Variants in PSD2 observed in about 807,000 individuals in gnomAD.
The protein encoded by PSD2 is PH and SEC7 domain-containing protein 2.
PSD2 carries 38 observed loss-of-function variants against 69.8 expected under a neutral mutation model. The ratio of observed to expected loss-of-function variants is 0.54; its 90% CI spans 0.42 to 0.71. The LOEUF (loss-of-function observed/expected upper bound fraction) is 0.71. Ranked by LOEUF, PSD2 falls within the 30% of genes least tolerant of loss-of-function variation. The pLI, the probability that PSD2 is intolerant of heterozygous loss-of-function variation, is 0.00. For missense variants in PSD2, 943 were observed against 1,014.5 expected (o/e 0.93, Z 0.96); for synonymous variants, 412 against 423.0 (o/e 0.97, Z 0.32).
At chr5:139,833,923 A>G (rs1454647836) in intron 8 of PSD2, 132 bp downstream of exon 8, 2 of 716,006 alleles carry the variant, frequency 2.8e-6, no homozygotes, top group Non-Finnish European at 5.1e-6. Context: ...TGACAAAGTT[A>G]GAAACCACTG....
At chr5:139,790,943 C>T (rs1003942918), upstream of PSD2, among the ~76,000 whole-genome samples, 5 of 151,928 alleles carry the variant, frequency 3.3e-5, no homozygotes, top group African/African-American at 9.7e-5. Flanking sequence ...CCCAGCTACT[C>T]GGGAGACCGA....
chr5:139,795,071 C>T (rs1759484675), upstream of PSD2, among the ~76,000 whole-genome samples: 1 of 152,258 alleles, frequency 6.6e-6, no homozygotes, highest in Middle Eastern at 3.4e-3. The surrounding 1 kb of genome is among the most constrained non-coding windows in gnomAD (Gnocchi z 4.5). Flanking sequence ...GAGGCTTCCC[C>T]TTGACCTGGC....
At chr5:139,752,489 C>T in the PSD2 span, among the ~76,000 whole-genome samples, 1 of 152,144 alleles carries the variant, frequency 6.6e-6, no homozygotes, top group Admixed American at 6.5e-5. Context: ...GACAGCCACC[C>T]ATCCAACACA....
the PSD2 span, among the ~76,000 whole-genome samples, chr5:139,784,231 C>G: frequency 6.6e-6 from 1 of 151,954 alleles, no homozygotes; most frequent in African/African-American, 2.4e-5. Flanking sequence ...TGAGCCATTG[C>G]GCTGGCCTCC....
chr5:139,828,203 G>A (rs2126956546), intron 7 of PSD2, among the ~76,000 whole-genome samples: 1 of 152,000 alleles, frequency 6.6e-6, no homozygotes, highest in South Asian at 2.1e-4. Flanking sequence ...AGGTATTTTT[G>A]TTGCACAGCC....
rs1334080100 is a variant in PSD2, at chr5:139,843,907, CACTT to C, written c.*1435_*1438del. 2 of 152,200 alleles carry C rather than the reference CACTT, an allele frequency of 1.3e-5. No homozygotes were observed. The highest frequency in any genetic ancestry group is 6.5e-5 in the Admixed American group (1 of 15,278). 9.4% of individuals were successfully genotyped at this position (152,200 alleles called of 1,614,324 possible). On this transcript the variant is annotated 3_prime_UTR_variant, in exon 15 of 15. Transcript: ENST00000274710. Reference sequence around the variant, plus strand: ...CAGGAATTTGGCGTCAGTGGTAACACACTTAGTTAATAAAATAAGCCAGGCTTGC... The same window carrying C: ...CAGGAATTTGGCGTCAGTGGTAACACAGTTAATAAAATAAGCCAGGCTTGC...
chr5:139,757,721 A>G, the PSD2 span, among the ~76,000 whole-genome samples: 1 of 152,204 alleles, frequency 6.6e-6, no homozygotes, highest in Admixed American at 6.5e-5. Flanking sequence ...TCTGTTCTTA[A>G]CTAAAAGCAG....
At chr5:139,813,783 A>T (rs776052391) in intron 3 of PSD2, 25 bp downstream of exon 3, 1 of 1,568,602 alleles carries the variant, frequency 6.4e-7, no homozygotes, top group African/African-American at 1.3e-5. Context: ...AGGCTGGGAG[A>T]ACCACCGAGC....
chr5:139,778,744 A>G, the PSD2 span, among the ~76,000 whole-genome samples: 9 of 151,928 alleles, frequency 5.9e-5, no homozygotes, highest in Admixed American at 5.3e-4. Flanking sequence ...GCAACTTGAC[A>G]GAAACCCATC....
At position 139,840,187 on chromosome 5, in the gene PSD2, T is replaced by C; in HGVS notation, c.2112+17T>C. 6.2e-7 allele frequency: 1 copy of C among 1,613,242 alleles called. No homozygotes were observed. Among genetic ancestry groups the C allele is most frequent in the Non-Finnish European group, 8.5e-7 (1 of 1,179,732 alleles). On this transcript the variant is annotated intron_variant, in intron 14 of 14. Transcript: ENST00000274710. ...ACCTTCGAGGTGAGCCTTGGGGGAC[T>C]GGATTGCAAAGCCCAGTGCCCTGCT...
chr5:139,809,936 C>A, intron 2 of PSD2, 125 bp downstream of exon 2: 1 of 1,024,932 alleles, frequency 9.8e-7, no homozygotes. Flanking sequence ...GATTTCATAT[C>A]CCTCTTTTGC....
At chr5:139,797,511 C>T (rs1180661353) in intron 1 of PSD2, among the ~76,000 whole-genome samples, 1 of 152,248 alleles carries the variant, frequency 6.6e-6, no homozygotes, top group Admixed American at 6.5e-5. Context: ...TTGTCCTGGT[C>T]TGACAACTAT....
chr5:139,837,222 T>C lies in PSD2; in HGVS notation c.1649T>C (p.Ile550Thr), dbSNP rs1350622470. ...TTCTACGCAGTGCTCAAAGGGACCATCCTGTACCTGCAGAAGGTGAGAGAC... is the reference window on the plus strand; with the variant it reads ...TTCTACGCAGTGCTCAAAGGGACCACCCTGTACCTGCAGAAGGTGAGAGAC... ...KKFYAVLKGT[I>T]LYLQKDEYRP... Residue 550 changes from isoleucine to threonine, a missense_variant, in exon 11 of 15, where the codon ATC becomes ACC. By Grantham distance (89) the Ile-to-Thr change is moderately conservative. Coordinates refer to ENST00000274710, the MANE Select transcript of PSD2 (RefSeq NM_032289.4). The surrounding 1 kb of genome is among the most constrained non-coding windows in gnomAD (Gnocchi z 5.0). The C allele has an allele frequency of 2.5e-6, 4 of 1,613,844 alleles. No individual in the cohort carries two copies. The highest frequency in any genetic ancestry group is 1.1e-5 in the South Asian group (1 of 91,068).
upstream of PSD2, among the ~76,000 whole-genome samples, chr5:139,794,074 C>T (rs185923234): frequency 6.6e-6 from 1 of 152,310 alleles, no homozygotes; most frequent in Admixed American, 6.5e-5. Context: ...AGCCAAGCTC[C>T]CTCTGTGCCC....
the PSD2 span, among the ~76,000 whole-genome samples, chr5:139,778,025 G>T: frequency 6.6e-6 from 1 of 152,242 alleles, no homozygotes; most frequent in Non-Finnish European, 1.5e-5. Context: ...GGCCCCCATG[G>T]GCAGGGCCTC....
At chr5:139,760,227 T>C in the PSD2 span, among the ~76,000 whole-genome samples, 292 of 152,318 alleles carry the variant, frequency 1.9e-3, no homozygotes, top group African/African-American at 6.1e-3. Flanking sequence ...ATTGCAGGCA[T>C]CTGAGCAAGC....
the PSD2 span, among the ~76,000 whole-genome samples, chr5:139,762,484 G>A: frequency 6.6e-5 from 10 of 152,326 alleles, no homozygotes; most frequent in East Asian, 1.7e-3. Context: ...AGGACTACAG[G>A]TGTGCACCAC....
intron 2 of PSD2, among the ~76,000 whole-genome samples, chr5:139,810,863 C>T (rs1759940627): frequency 6.6e-6 from 1 of 151,940 alleles, no homozygotes; most frequent in South Asian, 2.1e-4. Context: ...CTTGGGATGG[C>T]GAGGCTGGGG....
At position 139,837,309 on chromosome 5, in the gene PSD2, A is replaced by G; in HGVS notation, c.1665+71A>G. On this transcript the variant is annotated intron_variant, in intron 11 of 14. Coordinates refer to ENST00000274710, the MANE Select transcript of PSD2 (RefSeq NM_032289.4). This position sits in a 1 kb window ranked among gnomAD's most constrained non-coding sequence, Gnocchi z 5.0. ...TCCCATCCCGCCCTGGCCTTGTGGC[A>G]CCCCGAAGCCCCAGGCAGGACCTGG... 4 of 1,328,928 alleles carry G rather than the reference A, an allele frequency of 3.0e-6. No homozygotes were observed. In the South Asian group the frequency reaches 4.8e-5, roughly 16 times the overall value. The allele number at this position is 1,328,928 out of a possible 1,614,324, so 82.3% of individuals were successfully genotyped here. A position where few individuals can be genotyped will look rare whatever the true frequency, so the allele number is the denominator to read the frequency against.
Sources: gnomAD v4.1 joint callset for allele counts (sites outside exome capture counted in the v4.1 genomes callset) on GRCh38, gnomAD v4.1.1 for gene constraint, Gnocchi (gnomAD v3.1) non-coding constraint, MANE v1.5 for transcripts, NCBI Gene and HGNC (gene_info 2026-07-23, HGNC 2026-07-21) for gene names.